Variants in FANCC observed in about 807,000 individuals in gnomAD.
The protein encoded by FANCC is Fanconi anemia group C protein.
Under a neutral mutation model 71.3 loss-of-function variants are expected in FANCC, and 55 were observed. The observed-to-expected ratio is 0.77, with a 90% CI of 0.62 to 0.97. FANCC has a LOEUF of 0.97. FANCC is among the 50% of genes least tolerant of loss of function. The pLI, the probability that FANCC is intolerant of heterozygous loss-of-function variation, is 0.00. For synonymous variants in FANCC, 275 were observed against 244.9 expected, an observed-to-expected ratio of 1.12 and a Z score of -1.15; for missense variants, 678 against 670.9, an observed-to-expected ratio of 1.01 and a Z score of -0.12.
chr9:95,135,681 T>C (rs1588135348), intron 7 of FANCC, 179 bp from the exon 8 acceptor site: 3 of 611,178 alleles, frequency 4.9e-6, no homozygotes, highest in Non-Finnish European at 5.8e-6. Context: ...TGCAAAATAA[T>C]GTGAATATGC....
intron 8 of FANCC, among the ~76,000 whole-genome samples, chr9:95,131,530 GC>G (rs1826913362): frequency 6.6e-6 from 1 of 152,168 alleles, no homozygotes; most frequent in Non-Finnish European, 1.5e-5. Flanking sequence ...AGGATCTGGT[GC>G]CCCCCTGAGG....
chr9:95,164,263 G>A (rs765544534), intron 6 of FANCC, among the ~76,000 whole-genome samples: 13 of 152,148 alleles, frequency 8.5e-5, no homozygotes, highest in African/African-American at 1.7e-4. Context: ...AGAATTTGGA[G>A]CATCTGTTGA....
At chr9:95,127,801 A>G (rs1432391003) in intron 8 of FANCC, among the ~76,000 whole-genome samples, 1 of 152,200 alleles carries the variant, frequency 6.6e-6, no homozygotes, top group Non-Finnish European at 1.5e-5. Flanking sequence ...CCCCGATGAC[A>G]TTGAGCCCGC....
At chr9:95,144,280 C>A (rs1829209472) in intron 7 of FANCC, among the ~76,000 whole-genome samples, 1 of 152,210 alleles carries the variant, frequency 6.6e-6, no homozygotes. Flanking sequence ...ACTTGCTGAG[C>A]TGAAGCCACA....
intron 1 of FANCC, among the ~76,000 whole-genome samples, chr9:95,309,793 T>C (rs894783648): frequency 3.3e-5 from 5 of 151,864 alleles, no homozygotes; most frequent in African/African-American, 1.2e-4. Flanking sequence ...GGGGTGGGGG[T>C]GTTGTTCTGC....
chr9:95,209,831 A>G (rs986279920), intron 4 of FANCC, among the ~76,000 whole-genome samples: 4 of 152,030 alleles, frequency 2.6e-5, no homozygotes, highest in African/African-American at 9.7e-5. Flanking sequence ...GCAATAACCT[A>G]CTTCCACTCT....
chr9:95,290,418 T>C (rs1833933678), intron 1 of FANCC, among the ~76,000 whole-genome samples: 1 of 152,174 alleles, frequency 6.6e-6, no homozygotes, highest in Non-Finnish European at 1.5e-5. Context: ...ACATTAATCC[T>C]CAGATCGAAG....
chr9:95,217,711 G>C (rs572190204), intron 4 of FANCC, among the ~76,000 whole-genome samples: 3 of 151,942 alleles, frequency 2.0e-5, no homozygotes, highest in South Asian at 4.2e-4. Flanking sequence ...TAAGAGCTAG[G>C]GTAAGAAAGA....
intron 1 of FANCC, among the ~76,000 whole-genome samples, chr9:95,315,473 C>T (rs1466234752): frequency 6.6e-6 from 1 of 152,220 alleles, no homozygotes; most frequent in African/African-American, 2.4e-5. Flanking sequence ...ATCCTTCCGC[C>T]TCCGCTTCCC....
chr9:95,127,689 G>C (rs1198924912), intron 8 of FANCC, among the ~76,000 whole-genome samples: 1 of 152,216 alleles, frequency 6.6e-6, no homozygotes, highest in African/African-American at 2.4e-5. Context: ...CTAGCTTTGG[G>C]AAACACTGTT....
At chr9:95,192,489 T>C (rs573840124) in intron 4 of FANCC, among the ~76,000 whole-genome samples, 1 of 152,344 alleles carries the variant, frequency 6.6e-6, no homozygotes, top group Admixed American at 6.5e-5. Flanking sequence ...GGCCTCACTT[T>C]TCTCATTTTC....
chr9:95,110,376 A>C, intron 13 of FANCC: 3 of 1,022,996 alleles, frequency 2.9e-6, no homozygotes, highest in Non-Finnish European at 3.5e-6. Context: ...TAAAAACCAT[A>C]TGTGCCCCGT....
intron 4 of FANCC, among the ~76,000 whole-genome samples, chr9:95,214,084 T>C (rs989129421): frequency 5.9e-5 from 9 of 152,026 alleles, no homozygotes; most frequent in African/African-American, 2.2e-4. Context: ...AACTCAAAAC[T>C]ATTACAATGT....
At position 95,254,785 on chromosome 9, in the gene FANCC, T is replaced by C. The variant is rs538122185; in HGVS notation, c.-78-5416A>G. On this transcript the variant is annotated intron_variant, in intron 1 of 14. Transcript: ENST00000289081. ...CAGGGAGCCAAGTGGTCTAGCTCAG[T>C]GGATCCCACTCCCAAGGAGCCCAGC... 5.9e-5 allele frequency among the ~76,000 whole-genome samples: 9 copies of C among 152,288 alleles called. No individual in the cohort carries two copies. In the South Asian group the frequency reaches 1.5e-3, roughly 25 times the overall value.
rs185894294 is a variant in FANCC, at chr9:95,195,090, T to G, written c.346-22943A>C. Among the ~76,000 whole-genome samples, 429 of 148,178 alleles carry G rather than the reference T, an allele frequency of 2.9e-3. 8 individuals are homozygous for G. In the South Asian group the frequency reaches 0.043, roughly 15 times the overall value. On this transcript the variant is annotated intron_variant, in intron 4 of 14. Coordinates refer to ENST00000289081, the MANE Select transcript of FANCC (RefSeq NM_000136.3). ...GCACGTGCCTGCAGTCCCAGCTACTTGGGAGGCTGAGGCAAGAGAATCACT... is the reference window on the plus strand; with the variant it reads ...GCACGTGCCTGCAGTCCCAGCTACTGGGGAGGCTGAGGCAAGAGAATCACT...
intron 14 of FANCC, among the ~76,000 whole-genome samples, chr9:95,104,017 GGA>G (rs374479510): frequency 8.7e-4 from 133 of 152,294 alleles, no homozygotes; most frequent in African/African-American, 3.1e-3. Context: ...TCCTGAGGGT[GGA>G]GAGACCCAAG....
intron 7 of FANCC, 79 bp from the exon 8 acceptor site, chr9:95,135,581 A>G: frequency 8.3e-7 from 1 of 1,205,918 alleles, no homozygotes; most frequent in Non-Finnish European, 1.2e-6. Context: ...TCAAAATGCA[A>G]TCACTAATCC....
At chr9:95,286,237 A>C (rs1833679332) in intron 1 of FANCC, among the ~76,000 whole-genome samples, 1 of 152,200 alleles carries the variant, frequency 6.6e-6, no homozygotes, top group Admixed American at 6.5e-5. Context: ...AATTTCCTAT[A>C]ATAATCATGT....
At chr9:95,247,745 T>C (rs1831080475) in intron 2 of FANCC, among the ~76,000 whole-genome samples, 1 of 152,214 alleles carries the variant, frequency 6.6e-6, no homozygotes, top group African/African-American at 2.4e-5. Flanking sequence ...CTAAGATGTA[T>C]GACATAGGTA....
Sources: allele counts gnomAD v4.1 joint callset (sites outside exome capture counted in the v4.1 genomes callset), GRCh38; gene constraint gnomAD v4.1.1; transcripts MANE v1.5; gene names NCBI Gene and HGNC (gene_info 2026-07-23, HGNC 2026-07-21).